LRRFIP2: variants seen among roughly 807,000 people sequenced by gnomAD.
LRRFIP2 encodes the protein LRR binding FLII interacting protein 2, also known as leucine-rich repeat flightless-interacting protein 2.
Under a neutral mutation model 125.9 loss-of-function variants are expected in LRRFIP2, and 109 were observed. The observed-to-expected ratio is 0.87, with a 90% CI of 0.74 to 1.01. The LOEUF (loss-of-function observed/expected upper bound fraction) is 1.01. LRRFIP2 is among the 50% of genes least tolerant of loss of function. The pLI, the probability that LRRFIP2 is intolerant of heterozygous loss-of-function variation, is 0.00. For missense variants in LRRFIP2, 850 were observed against 862.3 expected, an observed-to-expected ratio of 0.99 and a Z score of 0.18; for synonymous variants, 291 against 293.1, an observed-to-expected ratio of 0.99 and a Z score of 0.07.
At chr3:37,103,039 G>A in intron 14 of LRRFIP2, 26 bp from the exon 15 acceptor site, 2 of 1,505,502 alleles carry the variant, frequency 1.3e-6, no homozygotes, top group Non-Finnish European at 1.8e-6. Context: ...AAAACAAGAT[G>A]CTTTCAAGGT....
At chr3:37,135,650 C>A (rs977182776) in intron 2 of LRRFIP2, among the ~76,000 whole-genome samples, 1 of 151,704 alleles carries the variant, frequency 6.6e-6, no homozygotes, top group African/African-American at 2.4e-5. Flanking sequence ...AGACATTTCT[C>A]CAAAGAAGAT....
At chr3:37,122,887 T>C (rs1372456322) in intron 4 of LRRFIP2, among the ~76,000 whole-genome samples, 1 of 152,240 alleles carries the variant, frequency 6.6e-6, no homozygotes, top group Non-Finnish European at 1.5e-5. Flanking sequence ...TAAAACCTAA[T>C]CATCTCAAAC....
chr3:37,053,872 T>C lies in LRRFIP2; in HGVS notation c.2145A>G (p.Thr715=), dbSNP rs773753191. Residue 715 remains threonine, a synonymous_variant, in exon 28 of 28, where the codon ACA becomes ACG. Coordinates refer to ENST00000336686, the MANE Select transcript of LRRFIP2 (RefSeq NM_006309.4). The part of the protein sequence containing the change: ...KRLEKMKANR[T]ALLAQQ ...TTTCCTACTGCTGGGCCAGAAGTGC[T>C]GTCCTATTGGCCTTCATCTTCTCCA... 2.0e-5 allele frequency: 32 copies of C among 1,613,700 alleles called. No homozygotes were observed. In the South Asian group the frequency reaches 3.3e-4, roughly 17 times the overall value.
chr3:37,173,566 C>A (rs1037236642), intron 1 of LRRFIP2, among the ~76,000 whole-genome samples: 1 of 152,180 alleles, frequency 6.6e-6, no homozygotes, highest in Non-Finnish European at 1.5e-5. Flanking sequence ...ACATAGAAAG[C>A]AACTACCTAA....
chr3:37,120,728 G>A lies in LRRFIP2; in HGVS notation c.330+764C>T, dbSNP rs1399405390. 2.6e-5 allele frequency among the ~76,000 whole-genome samples: 4 copies of A among 151,364 alleles called. No homozygotes were observed. In the South Asian group the frequency reaches 6.3e-4, roughly 24 times the overall value. On this transcript the variant is annotated intron_variant, in intron 6 of 27. Coordinates refer to ENST00000336686, the MANE Select transcript of LRRFIP2 (RefSeq NM_006309.4). ...TTTTACTGATTAAGAAAACTACATG[G>A]AAGTATACATACAGCATTGTAACCA...
chr3:37,096,818 T>C (rs950111887), intron 15 of LRRFIP2, among the ~76,000 whole-genome samples, 158 bp from the exon 16 acceptor site: 2 of 152,056 alleles, frequency 1.3e-5, no homozygotes, highest in Non-Finnish European at 2.9e-5. Context: ...TAACATAAGA[T>C]AAAATGTCAG....
intron 1 of LRRFIP2, among the ~76,000 whole-genome samples, chr3:37,159,687 AAT>A (rs1202174577): frequency 1.3e-5 from 2 of 151,872 alleles, no homozygotes; most frequent in African/African-American, 2.4e-5. Flanking sequence ...TTGTATTTTT[AAT>A]AGAGATGGGG....
chr3:37,084,595 G>A (rs2092904042), intron 18 of LRRFIP2, among the ~76,000 whole-genome samples: 1 of 152,128 alleles, frequency 6.6e-6, no homozygotes, highest in African/African-American at 2.4e-5. Flanking sequence ...GAGCCCAGGA[G>A]GTCAAGGCTA....
chr3:37,108,775 A>C, intron 11 of LRRFIP2, 91 bp from the exon 12 acceptor site: 1 of 1,058,936 alleles, frequency 9.4e-7, no homozygotes, highest in African/African-American at 1.6e-5. Context: ...GTACCAAAAA[A>C]GTTTTGGAGA....
chr3:37,075,088 C>T lies in LRRFIP2; in HGVS notation c.1307G>A (p.Ser436Asn). The change falls in exon 20 of 28, where the codon AGT becomes AAT. Residue 436 changes from serine to asparagine, a missense_variant. Physicochemically the swap from Ser to Asn is conservative, Grantham distance 46. Transcript: ENST00000336686. ...KELERQKHMC[S>N]VLQHKMEELK... Reference sequence around the variant, plus strand: ...TTCTTCCATCTTATGCTGCAGCACACTACACATATGTTTCTGCCTTTCTAA... The same window carrying T: ...TTCTTCCATCTTATGCTGCAGCACATTACACATATGTTTCTGCCTTTCTAA... 1 of 1,612,252 alleles carries T rather than the reference C, an allele frequency of 6.2e-7. No individual in the cohort carries two copies. Among genetic ancestry groups the T allele is most frequent in the Non-Finnish European group, 8.5e-7 (1 of 1,179,570 alleles).
At position 37,058,829 on chromosome 3, in the gene LRRFIP2, G is replaced by A; in HGVS notation, c.1831C>T (p.Leu611=). 1 of 1,614,122 alleles carries A rather than the reference G, an allele frequency of 6.2e-7. No individual in the cohort carries two copies. The highest frequency in any genetic ancestry group is 8.5e-7 in the Non-Finnish European group (1 of 1,179,998). The change falls in exon 25 of 28, where the codon CTG becomes TTG. Residue 611 remains leucine, a synonymous_variant. Coordinates refer to ENST00000336686, the MANE Select transcript of LRRFIP2 (RefSeq NM_006309.4). ...NDGTVGDLAG[L]QNGSDLQFIE... is the part of the protein sequence containing the mutation. ...AACTGCAAGTCTGAGCCATTCTGCAGTCCTGCCAGGTCACCCACTGTGCCA... is the reference window on the plus strand; with the variant it reads ...AACTGCAAGTCTGAGCCATTCTGCAATCCTGCCAGGTCACCCACTGTGCCA...
At chr3:37,133,219 T>C (rs1180386398) in intron 2 of LRRFIP2, among the ~76,000 whole-genome samples, 1 of 152,210 alleles carries the variant, frequency 6.6e-6, no homozygotes, top group African/African-American at 2.4e-5. Context: ...AGTGAAACTC[T>C]GTCTCAGAAA....
intron 15 of LRRFIP2, among the ~76,000 whole-genome samples, chr3:37,100,350 G>GTATA (rs199911064): frequency 8.9e-5 from 13 of 145,400 alleles, no homozygotes; most frequent in African/African-American, 3.6e-4. Context: ...GTATGTATGC[G>GTATA]TATATATATA....
At chr3:37,157,852 C>T (rs1318324024) in intron 1 of LRRFIP2, among the ~76,000 whole-genome samples, 2 of 152,192 alleles carry the variant, frequency 1.3e-5, no homozygotes, top group Non-Finnish European at 2.9e-5. Context: ...GAAATGCTTA[C>T]AAAGGAAGAG....
rs550711457 is a variant in LRRFIP2, at chr3:37,166,112, A to C, written c.-56+8427T>G. ...CAGCACTTTGGAAGGCAGGCAGATC[A>C]CGAGGTCAGGAGTTCAAGGCCAGCC... On this transcript the variant is annotated intron_variant, in intron 1 of 27. Coordinates refer to ENST00000336686, the MANE Select transcript of LRRFIP2 (RefSeq NM_006309.4). 5.3e-5 allele frequency among the ~76,000 whole-genome samples: 8 copies of C among 152,244 alleles called. No individual in the cohort carries two copies. In the South Asian group the frequency reaches 1.7e-3, roughly 32 times the overall value.
intron 19 of LRRFIP2, among the ~76,000 whole-genome samples, chr3:37,082,597 G>A (rs2092732455): frequency 6.6e-6 from 1 of 152,076 alleles, no homozygotes; most frequent in East Asian, 1.9e-4. Context: ...TTGGACAAAT[G>A]TATCCATACA....
intron 19 of LRRFIP2, among the ~76,000 whole-genome samples, chr3:37,081,634 A>G (rs1422687611): frequency 1.3e-5 from 2 of 152,150 alleles, no homozygotes; most frequent in African/African-American, 4.8e-5. Context: ...CTGTAATCTC[A>G]GCACTGTGGG....
At chr3:37,124,765 CA>C (rs1413426895) in intron 4 of LRRFIP2, among the ~76,000 whole-genome samples, 1 of 152,088 alleles carries the variant, frequency 6.6e-6, no homozygotes, top group South Asian at 2.1e-4. Flanking sequence ...AAGAAAATGG[CA>C]AGGTATTCTG....
At chr3:37,066,626 G>A (rs2090211880) in intron 21 of LRRFIP2, 3 of 255,264 alleles carry the variant, frequency 1.2e-5, no homozygotes, top group South Asian at 1.2e-4. Context: ...AACAGGAAAA[G>A]GAAGATAAAG....
Sources: gnomAD v4.1 joint callset for allele counts (sites outside exome capture counted in the v4.1 genomes callset) on GRCh38, gnomAD v4.1.1 for gene constraint, MANE v1.5 for transcripts, NCBI Gene and HGNC (gene_info 2026-07-23, HGNC 2026-07-21) for gene names.